The following SLC9C1 variants were observed in gnomAD, a reference collection of about 807,000 sequenced individuals.
SLC9C1 encodes solute carrier family 9 member C1, also known as sodium/hydrogen exchanger 10.
A neutral mutation model predicts 140.9 loss-of-function variants in SLC9C1; 97 were observed. The ratio of observed to expected loss-of-function variants is 0.69; its 90% CI spans 0.58 to 0.82. SLC9C1 has a LOEUF of 0.82. Among genes scored for constraint, SLC9C1 ranks in the 40% least tolerant of loss-of-function variants. The pLI is 0.00. For missense variants in SLC9C1, 1,340 were observed against 1,389.3 expected (o/e 0.96, Z 0.56); for synonymous variants, 440 against 442.6 (o/e 0.99, Z 0.07).
intron 5 of SLC9C1, among the ~76,000 whole-genome samples, chr3:112,276,308 A>G (rs562845936): frequency 1.3e-5 from 2 of 152,136 alleles, no homozygotes; most frequent in Admixed American, 1.3e-4. Flanking sequence ...GGACATGAAA[A>G]GCTCAAGCCA....
At chr3:112,225,551 A>T (rs375201054) in intron 13 of SLC9C1, among the ~76,000 whole-genome samples, 1 of 10,394 alleles carries the variant, frequency 9.6e-5, no homozygotes, top group Non-Finnish European at 2.5e-4. Context: ...CAAAAAAAAA[A>T]ACACATGACA....
At chr3:112,207,191 G>A (rs556834010) in intron 16 of SLC9C1, among the ~76,000 whole-genome samples, 159 of 152,284 alleles carry the variant, frequency 1.0e-3, no homozygotes, top group Middle Eastern at 3.4e-3. Context: ...TTGAAACCTA[G>A]TATAGCTAAG....
intron 10 of SLC9C1, among the ~76,000 whole-genome samples, chr3:112,253,387 A>G (rs2108265380): frequency 6.6e-6 from 1 of 152,304 alleles, no homozygotes; most frequent in Non-Finnish European, 1.5e-5. Flanking sequence ...GCATTGACAG[A>G]GAGCATGGCT....
intron 13 of SLC9C1, among the ~76,000 whole-genome samples, chr3:112,226,441 G>A (rs1196799522): frequency 6.6e-6 from 1 of 152,262 alleles, no homozygotes; most frequent in African/African-American, 2.4e-5. Context: ...TAGACAGAGG[G>A]CCAGGTGTGG....
intron 10 of SLC9C1, among the ~76,000 whole-genome samples, chr3:112,250,684 C>T (rs538815929): frequency 1.3e-5 from 2 of 152,134 alleles, no homozygotes; most frequent in South Asian, 4.2e-4. Context: ...AAATCAAAAC[C>T]ACAATGAGAT....
chr3:112,149,729 A>C (rs992108080), intron 28 of SLC9C1, among the ~76,000 whole-genome samples: 5 of 151,926 alleles, frequency 3.3e-5, no homozygotes, highest in Non-Finnish European at 4.4e-5. Context: ...AAAGGGTTGC[A>C]TGGCTCAAGC....
At chr3:112,202,601 T>C (rs923263235) in intron 17 of SLC9C1, among the ~76,000 whole-genome samples, 7 of 152,016 alleles carry the variant, frequency 4.6e-5, no homozygotes, top group Non-Finnish European at 1.0e-4. Flanking sequence ...AACTAATAAT[T>C]TGGGGGTACC....
At chr3:112,281,492 C>T (rs905844162) in intron 2 of SLC9C1, among the ~76,000 whole-genome samples, 1 of 152,086 alleles carries the variant, frequency 6.6e-6, no homozygotes, top group Non-Finnish European at 1.5e-5. Context: ...TAGGATACAC[C>T]GATTTTTAAT....
chr3:112,197,208 A>G (rs892486991), intron 20 of SLC9C1, among the ~76,000 whole-genome samples: 4 of 152,036 alleles, frequency 2.6e-5, no homozygotes, highest in Non-Finnish European at 5.9e-5. Context: ...TGGTTTTTGA[A>G]TGTCTTAGTC....
intron 10 of SLC9C1, among the ~76,000 whole-genome samples, chr3:112,250,973 T>C (rs1203772548): frequency 1.3e-5 from 2 of 151,956 alleles, no homozygotes; most frequent in African/African-American, 4.8e-5. Context: ...CAAGAGTAAA[T>C]ACATGAAATC....
At position 112,226,077 on chromosome 3, in the gene SLC9C1, C is replaced by T. The variant is rs151282322; in HGVS notation, c.1573-4852G>A. ...ATAGACAGAACATTTCATTCAAGAA[C>T]AGCAGAATACATGTTCTTCTCATCA... is the stretch of plus-strand genomic sequence containing the variant. On this transcript the variant is annotated intron_variant, in intron 13 of 28. Coordinates refer to ENST00000305815, the MANE Select transcript of SLC9C1 (RefSeq NM_183061.3). Among the ~76,000 whole-genome samples the T allele has an allele frequency of 4.6e-3, 702 of 152,268 alleles. 2 individuals are homozygous for T. Among genetic ancestry groups the T allele is most frequent in the African/African-American group, 0.016 (679 of 41,544 alleles).
intron 2 of SLC9C1, among the ~76,000 whole-genome samples, chr3:112,281,737 A>G (rs927352927): frequency 1.3e-5 from 2 of 152,220 alleles, no homozygotes; most frequent in African/African-American, 4.8e-5. Flanking sequence ...GAAGAATAAG[A>G]CATCGGTTTG....
chr3:112,291,300 C>CA (rs1462742107), intron 1 of SLC9C1, among the ~76,000 whole-genome samples: 1 of 151,970 alleles, frequency 6.6e-6, no homozygotes, highest in Non-Finnish European at 1.5e-5. Flanking sequence ...AGCTACTGCA[C>CA]GCAAAAGAAA....
chr3:112,280,835 A>G (rs749953188), intron 2 of SLC9C1, 52 bp from the exon 3 acceptor site: 2 of 1,472,434 alleles, frequency 1.4e-6, no homozygotes, highest in East Asian at 4.5e-5. Flanking sequence ...CATTTATAGA[A>G]CTTTAATGTG....
At chr3:112,210,326 A>T (rs1011380207) in intron 15 of SLC9C1, among the ~76,000 whole-genome samples, 3 of 152,206 alleles carry the variant, frequency 2.0e-5, no homozygotes, top group African/African-American at 7.2e-5. Flanking sequence ...ACGTTATTTA[A>T]CCTTAAATAG....
At chr3:112,204,541 TCAAA>T in intron 16 of SLC9C1, 138 bp from the exon 17 acceptor site, 5 of 793,142 alleles carry the variant, frequency 6.3e-6, no homozygotes, top group Non-Finnish European at 9.5e-6. Flanking sequence ...GAAACCAAAA[TCAAA>T]CAAACAAGTT....
At chr3:112,265,188 G>A (rs2079883414) in intron 8 of SLC9C1, among the ~76,000 whole-genome samples, 1 of 151,938 alleles carries the variant, frequency 6.6e-6, no homozygotes, top group Non-Finnish European at 1.5e-5. Context: ...TCAATTGTAG[G>A]CTCAATAGTA....
intron 20 of SLC9C1, among the ~76,000 whole-genome samples, chr3:112,182,773 T>C (rs1040746198): frequency 1.3e-5 from 2 of 152,198 alleles, no homozygotes; most frequent in Non-Finnish European, 2.9e-5. Flanking sequence ...TCTCCTCTAA[T>C]CATTACTTCT....
intron 15 of SLC9C1, among the ~76,000 whole-genome samples, chr3:112,211,629 C>T (rs866836222): frequency 2.6e-5 from 4 of 152,234 alleles, no homozygotes; most frequent in African/African-American, 4.8e-5. Context: ...AGTCTGAGAT[C>T]GAACTGCAAG....
Sources: allele counts gnomAD v4.1 joint callset (sites outside exome capture counted in the v4.1 genomes callset), GRCh38; gene constraint gnomAD v4.1.1; transcripts MANE v1.5; gene names NCBI Gene and HGNC (gene_info 2026-07-23, HGNC 2026-07-21).